The following MEGF11 variants were observed in gnomAD, a reference collection of about 807,000 sequenced individuals.
The protein encoded by MEGF11 is multiple EGF like domains 11.
MEGF11 carries 126 observed loss-of-function variants against 146.6 expected under a neutral mutation model. The observed-to-expected ratio is 0.86, with a 90% CI of 0.74 to 1.00. MEGF11 has a LOEUF of 1.00. Ranked by LOEUF, MEGF11 falls within the 50% of genes least tolerant of loss-of-function variation. MEGF11 has a pLI of 0.00. For missense variants in MEGF11, 1,509 were observed against 1,521.2 expected (o/e 0.99, Z 0.13); for synonymous variants, 532 against 583.4 (o/e 0.91, Z 1.27).
At chr15:66,098,399 T>C (rs2086642517) in intron 4 of MEGF11, among the ~76,000 whole-genome samples, 1 of 152,182 alleles carries the variant, frequency 6.6e-6, no homozygotes. Context: ...GTCCCTGAGG[T>C]GCCTGTGGTC....
At chr15:66,079,543 C>CCCA (rs2085749867) in intron 5 of MEGF11, among the ~76,000 whole-genome samples, 2 of 145,210 alleles carry the variant, frequency 1.4e-5, no homozygotes, top group South Asian at 2.3e-4. Flanking sequence ...TCACACCCCC[C>CCCA]CCCCCAGCAC....
At chr15:65,944,553 C>T (rs999769550) in intron 10 of MEGF11, among the ~76,000 whole-genome samples, 2 of 152,026 alleles carry the variant, frequency 1.3e-5, no homozygotes, top group Non-Finnish European at 2.9e-5. Context: ...CAGGCTGGGC[C>T]CAGCCAGGAT....
At chr15:66,114,677 T>A (rs999460223) in intron 4 of MEGF11, among the ~76,000 whole-genome samples, 2 of 151,652 alleles carry the variant, frequency 1.3e-5, no homozygotes, top group African/African-American at 4.8e-5. Flanking sequence ...CAGGCACTTC[T>A]GCCCAGTGAT....
At chr15:65,951,466 G>A (rs28582961) in intron 10 of MEGF11, among the ~76,000 whole-genome samples, 5 of 152,060 alleles carry the variant, frequency 3.3e-5, no homozygotes, top group Non-Finnish European at 7.4e-5. Context: ...GCGGGCAGAT[G>A]ACATGAGGTC....
At chr15:66,059,698 C>T (rs2084824960) in intron 5 of MEGF11, among the ~76,000 whole-genome samples, 5 of 151,954 alleles carry the variant, frequency 3.3e-5, no homozygotes, top group Admixed American at 3.3e-4. Flanking sequence ...GGGAGAGATC[C>T]AGTGATCCCC....
rs2088197657 is a variant in MEGF11 at position 66,124,013 on chromosome 15, TG to T, written c.99-14del. On this transcript the variant is annotated splice_polypyrimidine_tract_variant and intron_variant, in intron 2 of 25. Transcript: ENST00000395614. Reference sequence around the variant, plus strand: ...AGTCACAGCATAGCTGAGAACCAGATGGGAGATAGGAGCCATGATTAGCACT... The same window carrying T: ...AGTCACAGCATAGCTGAGAACCAGATGGAGATAGGAGCCATGATTAGCACT... 2 of 1,602,714 alleles carry T rather than the reference TG, an allele frequency of 1.2e-6. No individual in the cohort carries two copies. Among genetic ancestry groups the T allele is most frequent in the Non-Finnish European group, 1.7e-6 (2 of 1,169,710 alleles).
chr15:65,994,333 T>C lies in MEGF11; in HGVS notation c.395-11845A>G, dbSNP rs2082139351. Among the ~76,000 whole-genome samples, 4 of 152,178 alleles carry C rather than the reference T, an allele frequency of 2.6e-5. No homozygotes were observed. The South Asian group carries it at 8.3e-4, about 32-fold the overall frequency. On this transcript the variant is annotated intron_variant, in intron 5 of 25. Transcript: ENST00000395614. ...GACTGGTACTGTTCCTAAGGGACTT[T>C]CTGCCTGGTACTGTGGGCCACACCC... is the stretch of plus-strand genomic sequence containing the variant.
chr15:66,226,680 G>A (rs2091860132), intron 1 of MEGF11, among the ~76,000 whole-genome samples: 1 of 152,018 alleles, frequency 6.6e-6, no homozygotes, highest in Admixed American at 6.5e-5. Context: ...CTTTATTATA[G>A]GTATGTACGT....
intron 5 of MEGF11, among the ~76,000 whole-genome samples, chr15:66,052,239 G>A (rs2084478286): frequency 6.6e-6 from 1 of 152,158 alleles, no homozygotes; most frequent in Non-Finnish European, 1.5e-5. Context: ...AGGTGGGGCT[G>A]TGCTGGGGGT....
At chr15:65,920,228 G>A (rs974439886) in intron 15 of MEGF11, among the ~76,000 whole-genome samples, 2 of 152,234 alleles carry the variant, frequency 1.3e-5, no homozygotes, top group African/African-American at 4.8e-5. Flanking sequence ...GTTAGTAGCT[G>A]TGGCAGGCTG....
intron 12 of MEGF11, among the ~76,000 whole-genome samples, chr15:65,928,805 A>G: frequency 6.6e-6 from 1 of 152,068 alleles, no homozygotes; most frequent in East Asian, 1.9e-4. Flanking sequence ...GAAGGAGGTG[A>G]TACTCCTGCT....
chr15:66,220,104 T>C (rs2033440382), intron 1 of MEGF11, among the ~76,000 whole-genome samples: 2 of 152,110 alleles, frequency 1.3e-5, no homozygotes, highest in Non-Finnish European at 2.9e-5. Flanking sequence ...AGGTAGAGAC[T>C]GGAGCAGTGC....
intron 2 of MEGF11, among the ~76,000 whole-genome samples, chr15:66,124,653 A>T (rs555951396): frequency 1.8e-4 from 27 of 152,332 alleles, no homozygotes; most frequent in African/African-American, 6.3e-4. Context: ...CTTTTACTCT[A>T]TTCTGCCTCT....
In MEGF11 at chr15:65,897,680, A is replaced by G; in HGVS notation, c.*254T>C. On this transcript the variant is annotated 3_prime_UTR_variant, in exon 26 of 26. Transcript: ENST00000395614. The stretch of plus-strand genomic sequence containing the variant: ...TTAGCTGATGTTGATGAGTAGCTGT[A>G]TCTTAAAATGTTTTAAAAATCATAT... 1 of 304,298 alleles carries G rather than the reference A, an allele frequency of 3.3e-6. No homozygotes were observed. 18.8% of individuals were successfully genotyped at this position (304,298 alleles called of 1,614,324 possible). A position where few individuals can be genotyped will look rare whatever the true frequency, so the allele number is the denominator to read the frequency against.
At chr15:65,914,065 T>C in intron 19 of MEGF11, 92 bp from the exon 20 acceptor site, 1 of 934,542 alleles carries the variant, frequency 1.1e-6, no homozygotes. Flanking sequence ...ACCCCTCTAA[T>C]GTTAGGAGAT....
intron 5 of MEGF11, among the ~76,000 whole-genome samples, chr15:66,072,605 C>T (rs2085414593): frequency 6.6e-6 from 1 of 152,176 alleles, no homozygotes; most frequent in Non-Finnish European, 1.5e-5. Flanking sequence ...GACATGTATT[C>T]CTGAGTGAGC....
chr15:65,951,269 C>T (rs748250290), intron 10 of MEGF11, among the ~76,000 whole-genome samples: 2 of 152,166 alleles, frequency 1.3e-5, no homozygotes, highest in Non-Finnish European at 2.9e-5. Context: ...ATGGGAAGGG[C>T]ATTCTAGGAA....
chr15:65,967,430 G>GTT (rs1224829744), intron 8 of MEGF11, among the ~76,000 whole-genome samples: 2 of 152,006 alleles, frequency 1.3e-5, no homozygotes, highest in Non-Finnish European at 2.9e-5. Context: ...TAATCAGAGG[G>GTT]GAAAAGCAAT....
At chr15:66,150,822 TCGAGAGAGAGAG>T (rs2089540634) in intron 1 of MEGF11, among the ~76,000 whole-genome samples, 2 of 90,044 alleles carry the variant, frequency 2.2e-5, no homozygotes, top group African/African-American at 9.2e-5. Context: ...CAATGCCCTG[TCGAGAGAGAGAG>T]AGAGAGAGAG....
Sources: allele counts gnomAD v4.1 joint callset (sites outside exome capture counted in the v4.1 genomes callset), GRCh38; gene constraint gnomAD v4.1.1; transcripts MANE v1.5; gene names NCBI Gene and HGNC (gene_info 2026-07-23, HGNC 2026-07-21).